Variants in TTC7A observed in about 807,000 individuals in gnomAD.
TTC7A encodes tetratricopeptide repeat domain 7A.
TTC7A carries 110 observed loss-of-function variants against 103.7 expected under a neutral mutation model. That is an observed-to-expected ratio of 1.06 (90% confidence interval 0.91 to 1.24). TTC7A has a LOEUF of 1.24. TTC7A is among the 50% of genes most tolerant of loss of function. The probability of loss-of-function intolerance (pLI) is 0.00; values close to 1 mark genes in which losing one functional copy is unlikely to be tolerated. For synonymous variants in TTC7A, 521 were observed against 467.9 expected (o/e 1.11, Z -1.47); for missense variants, 1,340 against 1,116.3 (o/e 1.20, Z -2.86).
At chr2:47,040,574 C>T (rs1681626651) in intron 15 of TTC7A, 1 of 152,220 alleles carries the variant, frequency 6.6e-6, no homozygotes, top group African/African-American at 2.4e-5. Flanking sequence ...GTCTTAGGTC[C>T]TAGGAGTGAA....
At chr2:47,006,189 C>A in intron 9 of TTC7A, 130 bp downstream of exon 9, 2 of 1,229,190 alleles carry the variant, frequency 1.6e-6, no homozygotes, top group Non-Finnish European at 2.2e-6. Context: ...TTGACCTCGG[C>A]AAGTTGTACA....
At chr2:46,993,002 G>A (rs561085393) in intron 5 of TTC7A, among the ~76,000 whole-genome samples, 43 of 152,340 alleles carry the variant, frequency 2.8e-4, no homozygotes, top group African/African-American at 9.6e-4. Flanking sequence ...CAAGGCCCAA[G>A]GTGAGGCAGG....
chr2:46,940,520 GC>G (rs1670238793), upstream of TTC7A, among the ~76,000 whole-genome samples: 1 of 152,206 alleles, frequency 6.6e-6, no homozygotes, highest in African/African-American at 2.4e-5. This position sits in a 1 kb window ranked among gnomAD's most constrained non-coding sequence, Gnocchi z 4.7. Context: ...ACCCTGCTAA[GC>G]ACTCCATAGA....
At chr2:47,016,246 G>C (rs1015888241) in intron 11 of TTC7A, among the ~76,000 whole-genome samples, 1 of 152,190 alleles carries the variant, frequency 6.6e-6, no homozygotes, top group African/African-American at 2.4e-5. Context: ...AAAACATTAT[G>C]TCCTTCAATG....
chr2:47,071,876 T>C (rs1289198273), intron 19 of TTC7A, among the ~76,000 whole-genome samples: 2 of 152,220 alleles, frequency 1.3e-5, no homozygotes, highest in Admixed American at 1.3e-4. Context: ...GGAAGCTCAA[T>C]ATAGAAAACT....
intron 15 of TTC7A, among the ~76,000 whole-genome samples, chr2:47,038,022 G>A (rs999795789): frequency 3.3e-5 from 5 of 152,018 alleles, no homozygotes; most frequent in Non-Finnish European, 7.4e-5. Context: ...ATGCCGAGGC[G>A]GGCGGATCAT....
intron 18 of TTC7A, 90 bp downstream of exon 18, chr2:47,051,970 G>C: frequency 1.4e-6 from 2 of 1,476,326 alleles, no homozygotes; most frequent in East Asian, 2.5e-5. Flanking sequence ...AGTGTGGGGA[G>C]GTGGGGACAC....
intron 8 of TTC7A, among the ~76,000 whole-genome samples, chr2:46,997,299 G>A (rs1448065532): frequency 6.6e-6 from 1 of 152,042 alleles, no homozygotes; most frequent in East Asian, 1.9e-4. Context: ...TTATTTTGTG[G>A]CCTTTGTGTA....
chr2:46,987,807 C>CGTGTGTGTGTGT (rs1234466462), intron 5 of TTC7A, among the ~76,000 whole-genome samples: 4 of 110,040 alleles, frequency 3.6e-5, no homozygotes, highest in East Asian at 4.3e-4. Context: ...TCCCTTTCCG[C>CGTGTGTGTGTGT]GCGTGTGTGT....
At chr2:46,954,721 A>G (rs1043554501) in intron 2 of TTC7A, among the ~76,000 whole-genome samples, 1 of 151,822 alleles carries the variant, frequency 6.6e-6, no homozygotes, top group Non-Finnish European at 1.5e-5. Context: ...ACAGGCGCCC[A>G]CCACCACGCC....
chr2:46,989,680 G>A (rs569718407), intron 5 of TTC7A, among the ~76,000 whole-genome samples: 7 of 151,642 alleles, frequency 4.6e-5, no homozygotes, highest in African/African-American at 9.7e-5. Context: ...AAACATGCCT[G>A]AGGGTGATTA....
rs911173916 is a variant in TTC7A, at chr2:47,074,624, T to C, written c.*701T>C. ...GGTTGCTAGATCCAGTCCTTTCTAA[T>C]ACCCTGAGTCAACACATTACTCCTG... On this transcript the variant is annotated 3_prime_UTR_variant, in exon 20 of 20. Transcript: ENST00000319190. The C allele has an allele frequency of 2.6e-5, 4 of 152,658 alleles. No homozygotes were observed. The highest frequency in any genetic ancestry group is 7.2e-5 in the African/African-American group (3 of 41,446). 9.5% of individuals were successfully genotyped at this position (152,658 alleles called of 1,614,324 possible). A position where few individuals can be genotyped will look rare whatever the true frequency, so the allele number is the denominator to read the frequency against.
At chr2:46,995,041 G>A in intron 7 of TTC7A, 95 bp from the exon 8 acceptor site, 1 of 1,164,230 alleles carries the variant, frequency 8.6e-7, no homozygotes, top group Non-Finnish European at 1.3e-6. Context: ...TACCGAGCTG[G>A]TGCTGACTCT....
At position 46,919,349 on chromosome 2, in the gene TTC7A, C is replaced by G. The variant is rs569463120; in HGVS notation, c.82+2072C>G. On this transcript the variant is annotated intron_variant, in intron 2 of 20. Coordinates refer to the TTC7A transcript ENST00000409245. ...AGGAGTTCGAGACCAGCCTGGCCAG[C>G]ATGGTGAAACCCTGTCTCTACTAAA... Among the ~76,000 whole-genome samples, 21 of 152,268 alleles carry G rather than the reference C, an allele frequency of 1.4e-4. No individual in the cohort carries two copies. In the South Asian group the frequency reaches 3.1e-3, roughly 23 times the overall value.
At chr2:47,060,119 C>T (rs1209372908) in intron 18 of TTC7A, among the ~76,000 whole-genome samples, 2 of 152,026 alleles carry the variant, frequency 1.3e-5, no homozygotes, top group Non-Finnish European at 2.9e-5. Flanking sequence ...GGCACGGTGG[C>T]TCACGCTTGT....
rs1242354946 is a variant in TTC7A, at chr2:46,989,269, GTTTCTGGGCCAGGGTT to G, written c.765-4179_765-4164del. On this transcript the variant is annotated intron_variant, in intron 5 of 19. Coordinates refer to ENST00000319190, the MANE Select transcript of TTC7A (RefSeq NM_020458.4). ...TTCCTGGCTTCTCCCCACGCAGGCT[GTTTCTGGGCCAGGGTT>G]TGTTTGAGGCCCTGTTTGGATATTG... Among the ~76,000 whole-genome samples the G allele has an allele frequency of 2.6e-5, 4 of 152,368 alleles. No individual in the cohort carries two copies. In the East Asian group the frequency reaches 7.7e-4, roughly 29 times the overall value.
At chr2:46,956,678 C>G in intron 2 of TTC7A, 161 bp from the exon 3 acceptor site, 1 of 693,966 alleles carries the variant, frequency 1.4e-6, no homozygotes, top group African/African-American at 1.8e-5. Context: ...TGGGTGAGAG[C>G]GGGGAGCTGT....
At chr2:46,944,099 G>T (rs1227823037) in intron 1 of TTC7A, among the ~76,000 whole-genome samples, 1 of 152,174 alleles carries the variant, frequency 6.6e-6, no homozygotes, top group African/African-American at 2.4e-5. Flanking sequence ...GTCTAGATTA[G>T]GTCAGGATGG....
chr2:46,939,578 T>TG (rs918978837), upstream of TTC7A, among the ~76,000 whole-genome samples: 6 of 152,132 alleles, frequency 3.9e-5, no homozygotes. Flanking sequence ...CTCTACAACC[T>TG]GGGGGCAGGG....
Sources: gnomAD v4.1 joint callset for allele counts (sites outside exome capture counted in the v4.1 genomes callset) on GRCh38, gnomAD v4.1.1 for gene constraint, Gnocchi (gnomAD v3.1) non-coding constraint, MANE v1.5 for transcripts, NCBI Gene and HGNC (gene_info 2026-07-23, HGNC 2026-07-21) for gene names.